Variants in SLC4A9 observed in about 807,000 individuals in gnomAD.
SLC4A9 encodes solute carrier family 4 member 9.
SLC4A9 carries 102 observed loss-of-function variants against 103.2 expected under a neutral mutation model. The ratio of observed to expected loss-of-function variants is 0.99; its 90% CI spans 0.84 to 1.17. The LOEUF is 1.17. Among genes scored for constraint, SLC4A9 ranks in the 50% most tolerant of loss-of-function variants. SLC4A9 has a pLI of 0.00. For synonymous variants in SLC4A9, 453 were observed against 483.6 expected (o/e 0.94, Z 0.83); for missense variants, 1,091 against 1,193.7 (o/e 0.91, Z 1.27).
intron 21 of SLC4A9, among the ~76,000 whole-genome samples, chr5:140,374,205 A>C (rs757355891): frequency 6.6e-6 from 1 of 150,782 alleles, no homozygotes; most frequent in Non-Finnish European, 1.5e-5. Flanking sequence ...AAAATCAAAA[A>C]CAAAAATCTC....
At position 140,367,401 on chromosome 5, in the gene SLC4A9, A is replaced by G. The variant is rs1019289720; in HGVS notation, c.2014-19A>G. The G allele has an allele frequency of 2.5e-6, 4 of 1,609,592 alleles. No individual in the cohort carries two copies. The highest frequency in any genetic ancestry group is 1.7e-5 in the Admixed American group (1 of 59,604). On this transcript the variant is annotated intron_variant, in intron 14 of 21. Coordinates refer to ENST00000506757, the MANE Select transcript of SLC4A9 (RefSeq NM_031467.3). ...TTGGGAGACCCACTCCAACCTGTCC[A>G]TGAAATGCCCTCCTCCAGCCCACAC...
In SLC4A9 at chr5:140,368,526, T is replaced by G. The variant is rs140410993; in HGVS notation, c.2355-61T>G. On this transcript the variant is annotated intron_variant, in intron 16 of 21. Coordinates refer to ENST00000506757, the MANE Select transcript of SLC4A9 (RefSeq NM_031467.3). The stretch of plus-strand genomic sequence containing the variant: ...TCTGTACTGGTATTCAGCCAGGATC[T>G]CCAGTCTGGATACCCCAGGGACTCT... 3.5e-4 allele frequency: 517 copies of G among 1,466,706 alleles called. 8 individuals carry two copies. In the East Asian group the frequency reaches 0.012, roughly 34 times the overall value. The allele number at this position is 1,466,706 out of a possible 1,614,324, so 90.9% of individuals were successfully genotyped here. A position where few individuals can be genotyped will look rare whatever the true frequency, so the allele number is the denominator to read the frequency against.
At chr5:140,372,927 C>T (rs776469460) in intron 21 of SLC4A9, 84 bp downstream of exon 21, 1 of 778,588 alleles carries the variant, frequency 1.3e-6, no homozygotes, top group Non-Finnish European at 2.0e-6. Context: ...TGTTGGCCAG[C>T]CCTGTTTTCT....
chr5:140,368,262 T>C (rs1015276606), intron 16 of SLC4A9, among the ~76,000 whole-genome samples: 2 of 152,208 alleles, frequency 1.3e-5, no homozygotes, highest in African/African-American at 4.8e-5. Context: ...ATCTAAAGTA[T>C]ATGAAATCAA....
chr5:140,372,438 G>A (rs1205028599), intron 20 of SLC4A9, 41 bp downstream of exon 20: 1 of 1,592,944 alleles, frequency 6.3e-7, no homozygotes, highest in Non-Finnish European at 8.5e-7. Context: ...ATGTGTCAGG[G>A]TTTGGGAGAG....
Position 140,367,735 on chromosome 5 carries a change from C to T in SLC4A9, c.2191C>T (p.His731Tyr). ...EYRLQKGAGF[H>Y]LDLFCVAVLM... ...CTACCTGCAGAAGGGAGCTGGCTTC[C>T]ACCTGGACCTCTTCTGTGTGGCTGT... Residue 731 changes from histidine to tyrosine, a missense_variant, in exon 16 of 22, where the codon CAC becomes TAC. Transcript: ENST00000506757. 4 of 1,613,994 alleles carry T rather than the reference C, an allele frequency of 2.5e-6. No homozygotes were observed. The highest frequency in any genetic ancestry group is 3.4e-6 in the Non-Finnish European group (4 of 1,179,888).
chr5:140,360,572 TC>T, intron 1 of SLC4A9, 106 bp downstream of exon 1: 2 of 1,205,856 alleles, frequency 1.7e-6, no homozygotes, highest in Non-Finnish European at 2.3e-6. Context: ...ATTAGGATTT[TC>T]CCAGCTGTGT....
chr5:140,360,407 C>T lies in SLC4A9; in HGVS notation c.171C>T (p.Phe57=). ...ELGVPKDPLL[F]IQLNELLGWP... is the part of the protein sequence containing the mutation. ...GAGTACCCAAAGACCCTCTGCTCTT[C>T]ATTCAGCTGAATGAGCTGCTGGGCT... Residue 57 remains phenylalanine, a synonymous_variant, in exon 1 of 22, where the codon TTC becomes TTT. Transcript: ENST00000506757. 1 of 1,601,128 alleles carries T rather than the reference C, an allele frequency of 6.2e-7. No individual in the cohort carries two copies. Among genetic ancestry groups the T allele is most frequent in the South Asian group, 1.1e-5 (1 of 88,652 alleles).
At position 140,364,473 on chromosome 5, in the gene SLC4A9, C is replaced by T; in HGVS notation, c.1499C>T (p.Thr500Ile). The change falls in exon 11 of 22, where the codon ACC (threonine) becomes ATC (isoleucine). Residue 500 changes from threonine to isoleucine, a missense_variant. Physicochemically the swap from Thr to Ile is moderately conservative, Grantham distance 89 (BLOSUM62 -1). Coordinates refer to ENST00000506757, the MANE Select transcript of SLC4A9 (RefSeq NM_031467.3). The part of the protein sequence containing the change: ...TEASVLVRYF[T>I]RFTEEGFCAL... ...GCCAGTGTGCTGGTGCGCTACTTCA[C>T]CCGCTTCACTGAGGAAGGTTTCTGT... 1 of 1,613,096 alleles carries T rather than the reference C, an allele frequency of 6.2e-7. No individual in the cohort carries two copies. Among genetic ancestry groups the T allele is most frequent in the East Asian group, 2.2e-5 (1 of 44,862 alleles).
At chr5:140,361,209 G>C in intron 2 of SLC4A9, 45 bp from the exon 3 acceptor site, 2 of 1,485,710 alleles carry the variant, frequency 1.3e-6, no homozygotes, top group Non-Finnish European at 1.8e-6. Flanking sequence ...AGAGTGTGCG[G>C]CAGGGAACTC....
In SLC4A9 at chr5:140,360,323, T is replaced by C. The variant is rs375387555; in HGVS notation, c.87T>C (p.Pro29=). 6.8e-6 allele frequency: 11 copies of C among 1,612,050 alleles called. No individual in the cohort carries two copies. In the African/African-American group the frequency reaches 1.3e-4, roughly 20 times the overall value. Residue 29 remains proline, a synonymous_variant, in exon 1 of 22, where the codon CCT becomes CCC. Coordinates refer to ENST00000506757, the MANE Select transcript of SLC4A9 (RefSeq NM_031467.3). The part of the protein sequence containing the change: ...NIPSGELDSN[P]DPGTGPSPDG... ...CTTCAGGGGAGCTGGACAGCAACCC[T>C]GACCCTGGCACCGGCCCCAGCCCTG...
intron 14 of SLC4A9, among the ~76,000 whole-genome samples, chr5:140,366,644 C>T (rs181563409): frequency 1.1e-3 from 168 of 152,278 alleles, no homozygotes; most frequent in African/African-American, 3.9e-3. Flanking sequence ...GTTCCTACCC[C>T]GTAGATTGTT....
chr5:140,365,326 T>G (rs1229682226), intron 11 of SLC4A9, among the ~76,000 whole-genome samples, 194 bp from the exon 12 acceptor site: 1 of 152,152 alleles, frequency 6.6e-6, no homozygotes, highest in Non-Finnish European at 1.5e-5. Flanking sequence ...GGGATGCAGA[T>G]GGGTAGAGAA....
chr5:140,371,433 T>C lies in SLC4A9; in HGVS notation c.2497-18T>C, dbSNP rs777842903. 1 of 1,613,806 alleles carries C rather than the reference T, an allele frequency of 6.2e-7. No homozygotes were observed. Among genetic ancestry groups the C allele is most frequent in the Non-Finnish European group, 8.5e-7 (1 of 1,179,694 alleles). ...GCTACCTGAGTGCCCTGCTTTCCTCTTCCTCTTGTTCCCCTAGTTCACTAA... is the reference window on the plus strand; with the variant it reads ...GCTACCTGAGTGCCCTGCTTTCCTCCTCCTCTTGTTCCCCTAGTTCACTAA... On this transcript the variant is annotated intron_variant, in intron 18 of 21. Coordinates refer to ENST00000506757, the MANE Select transcript of SLC4A9 (RefSeq NM_031467.3).
In SLC4A9 at chr5:140,371,446, C is replaced by T; in HGVS notation, c.2497-5C>T. 10 of 1,613,964 alleles carry T rather than the reference C, an allele frequency of 6.2e-6. No individual in the cohort carries two copies. Among genetic ancestry groups the T allele is most frequent in the Non-Finnish European group, 8.5e-6 (10 of 1,179,870 alleles). ...CCTGCTTTCCTCTTCCTCTTGTTCC[C>T]CTAGTTCACTAATAGGGTGAAGCTG... On this transcript the variant is annotated splice_polypyrimidine_tract_variant and splice_region_variant and intron_variant, in intron 18 of 21. Transcript: ENST00000506757.
chr5:140,369,148 C>T (rs1768330741), intron 17 of SLC4A9, among the ~76,000 whole-genome samples: 1 of 152,042 alleles, frequency 6.6e-6, no homozygotes, highest in Non-Finnish European at 1.5e-5. Context: ...CATAAGGAGA[C>T]TCTGTCTCTG....
Position 140,363,067 on chromosome 5 carries a change from G to A in SLC4A9, c.962+1G>A. ...AATGTCTGCCATCTCAGCACAAAAG[G>A]TACCTGGGAGCCATCATCCCATACA... On this transcript the variant is annotated splice_donor_variant, in intron 7 of 21. Coordinates refer to ENST00000506757, the MANE Select transcript of SLC4A9 (RefSeq NM_031467.3). LOFTEE classifies it high-confidence loss of function. This position sits in a 1 kb window ranked among gnomAD's most constrained non-coding sequence, Gnocchi z 4.5. 6.2e-7 allele frequency: 1 copy of A among 1,612,792 alleles called. No individual in the cohort carries two copies. The highest frequency in any genetic ancestry group is 8.5e-7 in the Non-Finnish European group (1 of 1,179,608).
chr5:140,362,235 G>A, intron 5 of SLC4A9, 61 bp downstream of exon 5: 1 of 1,436,682 alleles, frequency 7.0e-7, no homozygotes, highest in Non-Finnish European at 9.3e-7. Context: ...CTTTACTGAG[G>A]AGGGGAAGGA....
intron 14 of SLC4A9, 85 bp from the exon 15 acceptor site, chr5:140,367,335 G>T: frequency 1.3e-6 from 2 of 1,486,424 alleles, no homozygotes; most frequent in Non-Finnish European, 1.8e-6. Flanking sequence ...GGGGCAGGTT[G>T]TGGAAGAATG....
Sources: allele counts gnomAD v4.1 joint callset (sites outside exome capture counted in the v4.1 genomes callset), GRCh38; gene constraint gnomAD v4.1.1; non-coding constraint Gnocchi (gnomAD v3.1); transcripts MANE v1.5; gene names NCBI Gene and HGNC (gene_info 2026-07-23, HGNC 2026-07-21).